ATP2A3: variants seen among roughly 807,000 people sequenced by gnomAD.
ATP2A3 encodes the protein ATPase sarcoplasmic/endoplasmic reticulum Ca2+ transporting 3.
ATP2A3 carries 61 observed loss-of-function variants against 106.8 expected under a neutral mutation model. The observed-to-expected ratio is 0.57, with a 90% CI of 0.46 to 0.71. The LOEUF is 0.71. Ranked by LOEUF, ATP2A3 falls within the 30% of genes least tolerant of loss-of-function variation. The probability of loss-of-function intolerance (pLI) is 0.00; values close to 1 mark genes in which losing one functional copy is unlikely to be tolerated. For missense variants in ATP2A3, 1,201 were observed against 1,423.5 expected (o/e 0.84, Z 2.52); for synonymous variants, 611 against 609.3 (o/e 1.00, Z -0.04).
rs141183935 is a variant in ATP2A3, at chr17:3,941,803, A to C, written c.1546-149T>G. The C allele has an allele frequency of 1.0e-3, 876 of 834,622 alleles. 4 individuals are homozygous for C. The African/African-American group carries it at 0.013, about 13-fold the overall frequency. The allele number at this position is 834,622 out of a possible 1,614,324, so 51.7% of individuals were successfully genotyped here. ...GGCAGGGAGCAGAATCCATTCACTG[A>C]AAGTTCAGAATGAGAACCAAGTGGG... On this transcript the variant is annotated intron_variant, in intron 12 of 20. Transcript: ENST00000397041.
Position 3,950,680 on chromosome 17 carries a change from G to GT in ATP2A3, c.544+12_544+13insA. ...TGGCCCACTAGGTCCCGGCCTCCTGGGGGGGGCCTCACCCGTCAGGATGGA... is the reference window on the plus strand; with the variant it reads ...TGGCCCACTAGGTCCCGGCCTCCTGGTGGGGGGCCTCACCCGTCAGGATGGA... On this transcript the variant is annotated intron_variant, in intron 6 of 20. Coordinates refer to ENST00000397041, the MANE Select transcript of ATP2A3 (RefSeq NM_005173.4). 6.2e-7 allele frequency: 1 copy of GT among 1,613,790 alleles called. No individual in the cohort carries two copies. The highest frequency in any genetic ancestry group is 1.1e-5 in the South Asian group (1 of 91,070).
rs2055323375 is a variant in ATP2A3 at position 3,964,366 on chromosome 17, C to T, written c.-75G>A. 2 of 831,350 alleles carry T rather than the reference C, an allele frequency of 2.4e-6. No homozygotes were observed. The allele number at this position is 831,350 out of a possible 1,614,324, so 51.5% of individuals were successfully genotyped here. A position where few individuals can be genotyped will look rare whatever the true frequency, so the allele number is the denominator to read the frequency against. Reference sequence around the variant, plus strand: ...CGCCGGGGGGCTACAAAGCGGGGCGCGGGGGACTCGGGCCCGGGCGGGCGC... The same window carrying T: ...CGCCGGGGGGCTACAAAGCGGGGCGTGGGGGACTCGGGCCCGGGCGGGCGC... On this transcript the variant is annotated 5_prime_UTR_variant, in exon 1 of 21. Transcript: ENST00000397041.
intron 7 of ATP2A3, among the ~76,000 whole-genome samples, chr17:3,948,448 T>C (rs2054239801): frequency 6.6e-6 from 1 of 152,184 alleles, no homozygotes; most frequent in Non-Finnish European, 1.5e-5. Context: ...GCATATGCTG[T>C]TGGGGCTGGC....
In ATP2A3 at chr17:3,925,644, C is replaced by T. The variant is rs575093002; in HGVS notation, c.2981-203G>A. 5.9e-5 allele frequency among the ~76,000 whole-genome samples: 9 copies of T among 151,364 alleles called. No homozygotes were observed. Among genetic ancestry groups the T allele is most frequent in the East Asian group, 2.0e-4 (1 of 5,094 alleles). Reference sequence around the variant, plus strand: ...GGATCCATCCCCGCAACGTCCCCCACGCCTCCTTCACTCCACTGTTCCATC... The same window carrying T: ...GGATCCATCCCCGCAACGTCCCCCATGCCTCCTTCACTCCACTGTTCCATC... On this transcript the variant is annotated intron_variant, in intron 20 of 20. Coordinates refer to ENST00000397041, the MANE Select transcript of ATP2A3 (RefSeq NM_005173.4). This position sits in a 1 kb window ranked among gnomAD's most constrained non-coding sequence, Gnocchi z 4.2.
chr17:3,945,595 G>A (rs1340511664), intron 8 of ATP2A3, among the ~76,000 whole-genome samples: 2 of 152,136 alleles, frequency 1.3e-5, no homozygotes, highest in East Asian at 1.9e-4. Flanking sequence ...AAACCCACAC[G>A]CCTCTCTGGG....
chr17:3,957,473 C>G (rs370880116), intron 1 of ATP2A3, among the ~76,000 whole-genome samples: 3 of 152,220 alleles, frequency 2.0e-5, no homozygotes, highest in South Asian at 2.1e-4. Flanking sequence ...TCCCTTCAGT[C>G]GGCGTGCCCC....
In ATP2A3 at chr17:3,945,067, C is replaced by T; in HGVS notation, c.1177G>A (p.Gly393Ser). 6.5e-7 allele frequency: 1 copy of T among 1,544,096 alleles called. No individual in the cohort carries two copies. Among genetic ancestry groups the T allele is most frequent in the Non-Finnish European group, 8.7e-7 (1 of 1,143,930 alleles). ...CCCTGGCCCCGCACTCACACTTCGC[C>T]CTCGGGGGTATACGTGGTACCCGAG... ...TISGTTYTPE[G>S]EVRQGDQPVR... The change falls in exon 9 of 21, where the codon GGC becomes AGC. Residue 393 changes from glycine (G) to serine (S), a missense_variant. Transcript: ENST00000397041.
At chr17:3,941,929 C>A (rs7215058) in intron 12 of ATP2A3, among the ~76,000 whole-genome samples, 34,859 of 152,156 alleles carry the variant, frequency 0.23, 4,593 homozygotes, top group African/African-American at 0.35. Context: ...ACAGCAGACT[C>A]GGGCACTGCA....
chr17:3,934,773 T>C (rs999587434), intron 17 of ATP2A3, among the ~76,000 whole-genome samples: 2 of 152,056 alleles, frequency 1.3e-5, no homozygotes, highest in Non-Finnish European at 2.9e-5. Context: ...TCCACCCACC[T>C]CGGCCTCCCA....
chr17:3,929,111 GCA>G lies in ATP2A3; in HGVS notation c.2862+215_2862+216del, dbSNP rs1276334800. On this transcript the variant is annotated intron_variant, in intron 19 of 20. Coordinates refer to ENST00000397041, the MANE Select transcript of ATP2A3 (RefSeq NM_005173.4). The surrounding 1 kb of genome is among the most constrained non-coding windows in gnomAD (Gnocchi z 4.3). ...CGTCCTTCCTCCCACCCCAGCCTGGGCACAGTCCCCTCAGCAAGGGGTTTCCC... is the reference window on the plus strand; with the variant it reads ...CGTCCTTCCTCCCACCCCAGCCTGGGCAGTCCCCTCAGCAAGGGGTTTCCC... 3.3e-5 allele frequency among the ~76,000 whole-genome samples: 5 copies of G among 152,174 alleles called. No homozygotes were observed. Among genetic ancestry groups the G allele is most frequent in the African/African-American group, 1.2e-4 (5 of 41,426 alleles).
chr17:3,932,861 G>A lies in ATP2A3; in HGVS notation c.2610+2331C>T, dbSNP rs553964717. Among the ~76,000 whole-genome samples the A allele has an allele frequency of 2.0e-5, 3 of 151,884 alleles. No individual in the cohort carries two copies. In the South Asian group the frequency reaches 6.2e-4, roughly 31 times the overall value. The stretch of plus-strand genomic sequence containing the variant: ...TGCCACTGTTGTCGGGCCTCACCCT[G>A]CCAGATCTTAATGGCCTATCCATAC... On this transcript the variant is annotated intron_variant, in intron 17 of 20. Coordinates refer to ENST00000397041, the MANE Select transcript of ATP2A3 (RefSeq NM_005173.4).
rs749758771 is a variant in ATP2A3, at chr17:3,944,816, C to T, written c.1185-10G>A. 17 of 1,603,788 alleles carry T rather than the reference C, an allele frequency of 1.1e-5. No homozygotes were observed. Among genetic ancestry groups the T allele is most frequent in the Admixed American group, 3.4e-5 (2 of 58,980 alleles). On this transcript the variant is annotated splice_polypyrimidine_tract_variant and intron_variant, in intron 9 of 20. Coordinates refer to ENST00000397041, the MANE Select transcript of ATP2A3 (RefSeq NM_005173.4). Reference sequence around the variant, plus strand: ...CTGATCCCCCTGCCGCCTGCGGAGCCGGGGCGGTCACCAGGAGGACCTCGG... The same window carrying T: ...CTGATCCCCCTGCCGCCTGCGGAGCTGGGGCGGTCACCAGGAGGACCTCGG...
Position 3,951,684 on chromosome 17 carries a change from A to T in ATP2A3, c.221T>A (p.Val74Asp). Residue 74 changes from valine to aspartate, a missense_variant and splice_region_variant, in exon 4 of 21, where the codon GTC becomes GAC. Val to Asp is a radical substitution (Grantham distance 152, BLOSUM62 -3). Around this residue, in one of 2 missense-constraint regions of ATP2A3, gnomAD observed 266 missense variants for 246.8 expected, o/e 1.08. Transcript: ENST00000397041. ...CTCGCCCTCCTCGAACCAGGCCAGGACCTGCAGGATCACAGCTGGTGAGCT... is the reference window on the plus strand; with the variant it reads ...CTCGCCCTCCTCGAACCAGGCCAGGTCCTGCAGGATCACAGCTGGTGAGCT... ...ILLLAALVSF[V>D]LAWFEEGEET... 1 of 1,606,894 alleles carries T rather than the reference A, an allele frequency of 6.2e-7. No homozygotes were observed. The highest frequency in any genetic ancestry group is 8.5e-7 in the Non-Finnish European group (1 of 1,177,398).
At chr17:3,960,703 C>G (rs771252677) in intron 1 of ATP2A3, among the ~76,000 whole-genome samples, 1 of 152,230 alleles carries the variant, frequency 6.6e-6, no homozygotes, top group Admixed American at 6.5e-5. Context: ...TTCCACCTGA[C>G]TGGCACAGAT....
chr17:3,944,016 G>A (rs2053939710), intron 10 of ATP2A3, among the ~76,000 whole-genome samples: 1 of 152,112 alleles, frequency 6.6e-6, no homozygotes, highest in Non-Finnish European at 1.5e-5. Flanking sequence ...CACCTAACCA[G>A]TCACCAAGTC....
chr17:3,933,429 GA>G lies in ATP2A3; in HGVS notation c.2610+1762del, dbSNP rs531874554. On this transcript the variant is annotated intron_variant, in intron 17 of 20. Transcript: ENST00000397041. The stretch of plus-strand genomic sequence containing the variant: ...GTCATAGGTCTCGGTGTGGCCTCTG[GA>G]ATTATTCATTAGAAGGTGCGCTGGG... Among the ~76,000 whole-genome samples the G allele has an allele frequency of 4.8e-3, 728 of 150,578 alleles. 10 individuals carry two copies. The highest frequency in any genetic ancestry group is 0.01 in the Middle Eastern group (3 of 294).
At position 3,955,680 on chromosome 17, in the gene ATP2A3, G is replaced by A. The variant is rs1031361064; in HGVS notation, c.119-1970C>T. ...CACTAACCTCATGGTGCGCATGGGT[G>A]GGCTTGTGCTGGGCTCTTCCCGGGG... On this transcript the variant is annotated intron_variant, in intron 1 of 20. Transcript: ENST00000397041. This position sits in a 1 kb window ranked among gnomAD's most constrained non-coding sequence, Gnocchi z 4.2. 4.6e-5 allele frequency among the ~76,000 whole-genome samples: 7 copies of A among 152,082 alleles called. No individual in the cohort carries two copies. The highest frequency in any genetic ancestry group is 1.4e-4 in the African/African-American group (6 of 41,402).
rs111431396 is a variant in ATP2A3, at chr17:3,944,817, G to A, written c.1185-11C>T. 6.9e-3 allele frequency: 10,986 copies of A among 1,602,484 alleles called. 471 individuals are homozygous for A. The African/African-American group carries it at 0.11, about 15-fold the overall frequency. ...TGATCCCCCTGCCGCCTGCGGAGCC[G>A]GGGCGGTCACCAGGAGGACCTCGGC... On this transcript the variant is annotated splice_polypyrimidine_tract_variant and intron_variant, in intron 9 of 20. Transcript: ENST00000397041.
rs770264485 is a variant in ATP2A3 at position 3,925,463 on chromosome 17, G to A, written c.2981-22C>T. ...TCTTCTGGAAGAAAAACCCAAGAGC[G>A]CGTTAAGATGTATGTGTAAGGGCAC... On this transcript the variant is annotated intron_variant, in intron 20 of 20. Transcript: ENST00000397041. The surrounding 1 kb of genome is among the most constrained non-coding windows in gnomAD (Gnocchi z 4.2). 1.4e-5 allele frequency: 23 copies of A among 1,609,678 alleles called. No individual in the cohort carries two copies. The highest frequency in any genetic ancestry group is 2.2e-5 in the East Asian group (1 of 44,794).
Sources: gnomAD v4.1 joint callset for allele counts (sites outside exome capture counted in the v4.1 genomes callset) on GRCh38, gnomAD v4.1.1 for gene constraint, gnomAD v4.1.1 regional missense constraint, Gnocchi (gnomAD v3.1) non-coding constraint, MANE v1.5 for transcripts, NCBI Gene and HGNC (gene_info 2026-07-23, HGNC 2026-07-21) for gene names.